The following ADGRD1 variants were observed in gnomAD, a reference collection of about 807,000 sequenced individuals.
ADGRD1 encodes adhesion G protein-coupled receptor D1.
A neutral mutation model predicts 113.4 loss-of-function variants in ADGRD1; 77 were observed. The ratio of observed to expected loss-of-function variants is 0.68; its 90% CI spans 0.57 to 0.82. ADGRD1 has a LOEUF of 0.82. Ranked by LOEUF, ADGRD1 falls within the 40% of genes least tolerant of loss-of-function variation. ADGRD1 has a pLI of 0.00. For synonymous variants in ADGRD1, 474 were observed against 475.0 expected (o/e 1.00, Z 0.03); for missense variants, 1,036 against 1,139.1 (o/e 0.91, Z 1.30).
At chr12:131,067,573 C>G (rs1884820614) in intron 13 of ADGRD1, among the ~76,000 whole-genome samples, 1 of 147,398 alleles carries the variant, frequency 6.8e-6, no homozygotes, top group Non-Finnish European at 1.5e-5. Flanking sequence ...TATGTCTGAT[C>G]GCTGTGCCCC....
At chr12:131,123,910 G>A (rs1306635080) in intron 20 of ADGRD1, among the ~76,000 whole-genome samples, 3 of 151,788 alleles carry the variant, frequency 2.0e-5, no homozygotes, top group Non-Finnish European at 4.4e-5. Flanking sequence ...TTTGTAGATC[G>A]AGTTTTCTTG....
chr12:130,979,825 A>T (rs1872735979), intron 4 of ADGRD1, among the ~76,000 whole-genome samples: 1 of 135,570 alleles, frequency 7.4e-6, no homozygotes, highest in African/African-American at 3.1e-5. Flanking sequence ...TCTCACACAC[A>T]CACACACACA....
chr12:130,997,199 C>G (rs1001630485), intron 8 of ADGRD1, among the ~76,000 whole-genome samples: 2 of 140,172 alleles, frequency 1.4e-5, no homozygotes, highest in African/African-American at 2.7e-5. Flanking sequence ...CCCCCCCCCC[C>G]GGACGGGGCA....
chr12:131,136,980 T>C lies in ADGRD1; in HGVS notation c.2402T>C (p.Phe801Ser). Residue 801 changes from phenylalanine to serine, a missense_variant, in exon 23 of 25, where the codon TTC becomes TCC. Coordinates refer to ENST00000261654, the MANE Select transcript of ADGRD1 (RefSeq NM_198827.5). ...FATLNSLQGLFIFLFHCLLNS... is the reference protein window; with the variant it reads ...FATLNSLQGLSIFLFHCLLNS... The stretch of plus-strand genomic sequence containing the variant: ...TCTTCCCTTTCTTCCCAGGGACTGT[T>C]CATATTCCTCTTTCATTGTCTCCTG... The C allele has an allele frequency of 6.2e-7, 1 of 1,611,560 alleles. No individual in the cohort carries two copies.
chr12:131,136,185 G>A (rs199550435), intron 22 of ADGRD1, 22 bp downstream of exon 22: 10 of 1,612,400 alleles, frequency 6.2e-6, no homozygotes, highest in African/African-American at 4.0e-5. Flanking sequence ...GGGGACTGGC[G>A]GGGAGGCAGG....
chr12:131,070,782 G>C (rs1025890134), intron 13 of ADGRD1: 6 of 518,300 alleles, frequency 1.2e-5, no homozygotes, highest in Non-Finnish European at 2.3e-5. Flanking sequence ...TAGCTGATTG[G>C]ACTGTGGAGT....
At chr12:131,051,117 G>A (rs1883345640) in intron 13 of ADGRD1, among the ~76,000 whole-genome samples, 1 of 152,222 alleles carries the variant, frequency 6.6e-6, no homozygotes, top group Non-Finnish European at 1.5e-5. Context: ...AGATTTGGTG[G>A]GGACACAGAT....
chr12:130,966,861 C>A lies in ADGRD1; in HGVS notation c.187+315C>A, dbSNP rs752541531. On this transcript the variant is annotated intron_variant, in intron 3 of 24. Transcript: ENST00000261654. This position sits in a 1 kb window ranked among gnomAD's most constrained non-coding sequence, Gnocchi z 4.6. ...GTCTCAAGCTCCTGGCCTCAGCAAT[C>A]CTCTGGCCTTGGCCTCCCAAAGTGC... The A allele has an allele frequency of 4.7e-6, 2 of 425,838 alleles. No homozygotes were observed. The highest frequency in any genetic ancestry group is 1.9e-5 in the South Asian group (1 of 53,624). The allele number at this position is 425,838 out of a possible 1,614,324, so 26.4% of individuals were successfully genotyped here.
chr12:130,986,432 T>C (rs1873691425), intron 5 of ADGRD1, among the ~76,000 whole-genome samples: 1 of 152,238 alleles, frequency 6.6e-6, no homozygotes, highest in Admixed American at 6.5e-5. Flanking sequence ...AATGTGTTTT[T>C]TAATTGTAAA....
At chr12:131,110,093 A>T (rs1404854006) in intron 18 of ADGRD1, among the ~76,000 whole-genome samples, 1 of 152,032 alleles carries the variant, frequency 6.6e-6, no homozygotes, top group South Asian at 2.1e-4. Flanking sequence ...TGTATCTTTG[A>T]ACCTAAGGTA....
chr12:130,987,467 T>A, intron 6 of ADGRD1, 118 bp downstream of exon 6: 3 of 1,113,700 alleles, frequency 2.7e-6, no homozygotes, highest in Non-Finnish European at 3.9e-6. Flanking sequence ...GCGTGAGATG[T>A]GTCCTAATGA....
chr12:131,052,490 G>C (rs1420693473), intron 13 of ADGRD1, among the ~76,000 whole-genome samples: 1 of 152,220 alleles, frequency 6.6e-6, no homozygotes, highest in African/African-American at 2.4e-5. Context: ...CATTCACTGA[G>C]GAATTAAAAG....
intron 13 of ADGRD1, among the ~76,000 whole-genome samples, chr12:131,068,553 A>C (rs1020949646): frequency 6.6e-6 from 1 of 152,148 alleles, no homozygotes; most frequent in African/African-American, 2.4e-5. Flanking sequence ...ACATGATTCC[A>C]CATACAGGCC....
At chr12:131,135,656 C>T (rs955468228) in intron 21 of ADGRD1, among the ~76,000 whole-genome samples, 30 of 152,276 alleles carry the variant, frequency 2.0e-4, no homozygotes, top group African/African-American at 4.3e-4. Flanking sequence ...GGGTTCTGGA[C>T]GCTGCGGGGG....
intron 9 of ADGRD1, chr12:131,002,639 C>T (rs1000288794): frequency 9.0e-7 from 1 of 1,112,780 alleles, no homozygotes; most frequent in African/African-American, 1.7e-5. Context: ...CCAGGATCCT[C>T]TGCTCTGGAA....
chr12:131,047,979 A>G (rs971805277), intron 13 of ADGRD1, among the ~76,000 whole-genome samples: 3 of 152,074 alleles, frequency 2.0e-5, no homozygotes, highest in Non-Finnish European at 2.9e-5. Context: ...TCCACATCCC[A>G]TGTCACAGGG....
chr12:131,036,430 GC>G (rs1881393229), intron 13 of ADGRD1, among the ~76,000 whole-genome samples: 1 of 146,604 alleles, frequency 6.8e-6, no homozygotes, highest in Non-Finnish European at 1.5e-5. Context: ...AGGTCTTACT[GC>G]TCCAGGTCTC....
chr12:130,978,395 T>C (rs1329365366), intron 4 of ADGRD1: 1 of 152,226 alleles, frequency 6.6e-6, no homozygotes, highest in African/African-American at 2.4e-5. Flanking sequence ...TTTGGATGTT[T>C]TAGGATTCAG....
rs1337155111 is a variant in ADGRD1 at position 130,997,017 on chromosome 12, C to T, written c.967-3366C>T. Among the ~76,000 whole-genome samples the T allele has an allele frequency of 2.9e-5, 4 of 138,480 alleles. No individual in the cohort carries two copies. In the East Asian group the frequency reaches 9.0e-4, roughly 31 times the overall value. 90.8% of individuals were successfully genotyped at this position (138,480 alleles called of 152,430 possible). On this transcript the variant is annotated intron_variant, in intron 8 of 24. Transcript: ENST00000261654. ...GGCTGGCCAGGCGGGGGGCTGACCC[C>T]CCCACCTCCCTCCCGGACGGGGCGG...
Sources: allele counts gnomAD v4.1 joint callset (sites outside exome capture counted in the v4.1 genomes callset), GRCh38; gene constraint gnomAD v4.1.1; non-coding constraint Gnocchi (gnomAD v3.1); transcripts MANE v1.5; gene names NCBI Gene and HGNC (gene_info 2026-07-23, HGNC 2026-07-21).